The following GSDMC variants were observed in gnomAD, a reference collection of about 807,000 sequenced individuals.
The protein encoded by GSDMC is gasdermin C, also known as gasdermin-C.
A neutral mutation model predicts 58.0 loss-of-function variants in GSDMC; 59 were observed. The ratio of observed to expected loss-of-function variants is 1.02; its 90% CI spans 0.82 to 1.26. The LOEUF (loss-of-function observed/expected upper bound fraction) is 1.26. Among genes scored for constraint, GSDMC ranks in the 50% most tolerant of loss-of-function variants. The pLI is 0.00. For missense variants in GSDMC, 659 were observed against 598.5 expected (o/e 1.10, Z -1.06); for synonymous variants, 241 against 220.2 (o/e 1.09, Z -0.83).
the GSDMC span, among the ~76,000 whole-genome samples, chr8:129,723,239 T>C: frequency 6.6e-6 from 1 of 151,758 alleles, no homozygotes; most frequent in Non-Finnish European, 1.5e-5. Flanking sequence ...GCAGTTTTTT[T>C]GTTTCTGTTT....
At chr8:129,775,123 T>C (rs1198408337) in intron 3 of GSDMC, among the ~76,000 whole-genome samples, 1 of 152,190 alleles carries the variant, frequency 6.6e-6, no homozygotes, top group Non-Finnish European at 1.5e-5. Flanking sequence ...TCCATGTTCA[T>C]TGCAGCATTA....
the GSDMC span, among the ~76,000 whole-genome samples, chr8:129,708,973 CAAA>C: frequency 6.6e-6 from 1 of 152,204 alleles, no homozygotes; most frequent in South Asian, 2.1e-4. Context: ...ATGCCTTCCT[CAAA>C]GAGATGTGGA....
chr8:129,721,545 C>T, the GSDMC span, among the ~76,000 whole-genome samples: 1 of 152,142 alleles, frequency 6.6e-6, no homozygotes, highest in African/African-American at 2.4e-5. Context: ...AGTGTATTAG[C>T]CCATGATCTT....
At chr8:129,740,210 A>T in the GSDMC span, among the ~76,000 whole-genome samples, 3 of 152,208 alleles carry the variant, frequency 2.0e-5, no homozygotes, top group African/African-American at 7.2e-5. Context: ...ATAAAGTAAA[A>T]AGTCACAGTA....
the GSDMC span, among the ~76,000 whole-genome samples, chr8:129,720,166 A>T: frequency 6.6e-6 from 1 of 152,240 alleles, no homozygotes; most frequent in African/African-American, 2.4e-5. Context: ...TAGAAGCCCT[A>T]GTCTGCCAAA....
At chr8:129,775,682 C>T (rs556966984) in intron 3 of GSDMC, among the ~76,000 whole-genome samples, 1 of 152,140 alleles carries the variant, frequency 6.6e-6, no homozygotes, top group South Asian at 2.1e-4. Flanking sequence ...AAATAAATCC[C>T]AAGACAGCAA....
the GSDMC span, among the ~76,000 whole-genome samples, chr8:129,736,084 CAT>C: frequency 6.6e-6 from 1 of 152,224 alleles, no homozygotes; most frequent in African/African-American, 2.4e-5. Flanking sequence ...TGGACACACA[CAT>C]GCTCCGGAAG....
At chr8:129,766,156 G>T (rs1210143198) in intron 3 of GSDMC, among the ~76,000 whole-genome samples, 1 of 152,198 alleles carries the variant, frequency 6.6e-6, no homozygotes, top group African/African-American at 2.4e-5. Context: ...TCTTTAGGAG[G>T]TCCTGTTGTC....
In GSDMC at chr8:129,748,244, T is replaced by G; in HGVS notation, c.*257A>C. The G allele has an allele frequency of 3.3e-6, 1 of 301,628 alleles. No homozygotes were observed. The allele number at this position is 301,628 out of a possible 1,614,324, so 18.7% of individuals were successfully genotyped here. ...ATTTTGAAGTAAAATTTATACATAG[T>G]GAAACGCTTACGTCTTTAACATACT... On this transcript the variant is annotated 3_prime_UTR_variant, in exon 14 of 14. Coordinates refer to ENST00000276708, the MANE Select transcript of GSDMC (RefSeq NM_031415.3).
intron 6 of GSDMC, among the ~76,000 whole-genome samples, chr8:129,753,275 G>C (rs1404787694): frequency 6.6e-6 from 1 of 152,198 alleles, no homozygotes; most frequent in Non-Finnish European, 1.5e-5. Flanking sequence ...GAAGAGTACA[G>C]AGGATTCTGT....
intron 11 of GSDMC, 35 bp downstream of exon 11, chr8:129,750,395 CT>C: frequency 6.3e-7 from 1 of 1,596,198 alleles, no homozygotes. Flanking sequence ...CCATTTACAG[CT>C]TTTACCAGAC....
intron 4 of GSDMC, 33 bp downstream of exon 4, chr8:129,765,595 G>T (rs750967864): frequency 6.4e-7 from 1 of 1,559,470 alleles, no homozygotes; most frequent in South Asian, 1.1e-5. Flanking sequence ...GTATTTTTTT[G>T]AATTTCAATC....
rs1182519963 is a variant in GSDMC at position 129,752,828 on chromosome 8, G to A, written c.722-8C>T. 4 of 1,613,976 alleles carry A rather than the reference G, an allele frequency of 2.5e-6. No homozygotes were observed. In the Admixed American group the frequency reaches 5.0e-5, roughly 20 times the overall value. On this transcript the variant is annotated splice_region_variant and splice_polypyrimidine_tract_variant and intron_variant, in intron 6 of 13. Coordinates refer to ENST00000276708, the MANE Select transcript of GSDMC (RefSeq NM_031415.3). ...TTTCGGAAATTTCGTACTCTTGGGA[G>A]AGAGGGAGAGCAGAATGACTGGGTA...
chr8:129,705,741 G>C, the GSDMC span: 36 of 152,306 alleles, frequency 2.4e-4, no homozygotes, highest in African/African-American at 8.4e-4. Flanking sequence ...ACCATATCAA[G>C]GGCTGAAGAT....
At chr8:129,777,295 G>T in intron 2 of GSDMC, 73 bp downstream of exon 2, 2 of 902,162 alleles carry the variant, frequency 2.2e-6, no homozygotes, top group East Asian at 2.5e-5. Context: ...AGTTATCTTT[G>T]GATGGTGGGC....
Position 129,786,391 on chromosome 8 carries a change from G to T in GSDMC, c.-385C>A, listed in dbSNP as rs2034556767. The T allele has an allele frequency of 6.6e-6, 1 of 151,884 alleles. No homozygotes were observed. The highest frequency in any genetic ancestry group is 1.5e-5 in the Non-Finnish European group (1 of 68,032). 9.4% of individuals were successfully genotyped at this position (151,884 alleles called of 1,614,324 possible). On this transcript the variant is annotated 5_prime_UTR_variant, in exon 1 of 14. Coordinates refer to ENST00000276708, the MANE Select transcript of GSDMC (RefSeq NM_031415.3). The stretch of plus-strand genomic sequence containing the variant: ...CCTTCCAATCTTCAGACCTCCTGCG[G>T]TCAAGTAGAAATTGTCAGACAAACT...
At chr8:129,714,901 T>C in the GSDMC span, among the ~76,000 whole-genome samples, 3 of 152,314 alleles carry the variant, frequency 2.0e-5, no homozygotes, top group East Asian at 5.8e-4. Flanking sequence ...CTTAAAAATA[T>C]GTACAACGAT....
rs1358255154 is a variant in GSDMC, at chr8:129,752,144, A to G, written c.848T>C (p.Leu283Pro). 6.2e-7 allele frequency: 1 copy of G among 1,612,466 alleles called. No individual in the cohort carries two copies. The change falls in exon 8 of 14, where the codon CTA becomes CCA. Residue 283 changes from leucine to proline, a missense_variant. By Grantham distance (98) the Leu-to-Pro change is moderately conservative. Coordinates refer to ENST00000276708, the MANE Select transcript of GSDMC (RefSeq NM_031415.3). ...GCTCAAAAATTGCTGTGTCAGAAAT[A>G]GCTCTGGAAAGAGAAAGAAAAGTGT... ...SSNDMKLKPE[L>P]FLTQQFLSGH...
intron 6 of GSDMC, among the ~76,000 whole-genome samples, chr8:129,753,446 T>C (rs1309169406): frequency 6.6e-6 from 1 of 152,072 alleles, no homozygotes; most frequent in Non-Finnish European, 1.5e-5. Flanking sequence ...CTGGCAGAAT[T>C]CATCATCTGC....
Sources: gnomAD v4.1 joint callset for allele counts (sites outside exome capture counted in the v4.1 genomes callset) on GRCh38, gnomAD v4.1.1 for gene constraint, MANE v1.5 for transcripts, NCBI Gene and HGNC (gene_info 2026-07-23, HGNC 2026-07-21) for gene names.